Variants in DOC2B observed in about 807,000 individuals in gnomAD.
DOC2B encodes double C2-like domain-containing protein beta.
A neutral mutation model predicts 28.9 loss-of-function variants in DOC2B; 21 were observed. That is an observed-to-expected ratio of 0.73 (90% CI 0.52 to 1.05). The LOEUF (loss-of-function observed/expected upper bound fraction) is 1.05. Ranked by LOEUF, DOC2B falls within the 50% of genes least tolerant of loss-of-function variation. The pLI, the probability that DOC2B is intolerant of heterozygous loss-of-function variation, is 0.00. For missense variants in DOC2B, 384 were observed against 421.1 expected (o/e 0.91, Z 0.77); for synonymous variants, 194 against 178.1 (o/e 1.09, Z -0.71).
chr17:162,267 T>C (rs1240819431), intron 3 of DOC2B, 77 bp from the exon 4 acceptor site: 1 of 1,062,582 alleles, frequency 9.4e-7, no homozygotes, highest in East Asian at 2.6e-5. Flanking sequence ...GATGGCCACG[T>C]GCTCATCTTG....
chr17:152,623 C>G (rs1352556265), intron 6 of DOC2B, among the ~76,000 whole-genome samples: 1 of 152,038 alleles, frequency 6.6e-6, no homozygotes, highest in Non-Finnish European at 1.5e-5. Context: ...CAAAAAACAA[C>G]TAGCCAGGCG....
At chr17:165,561 CTG>C (rs1555523793) in intron 2 of DOC2B, among the ~76,000 whole-genome samples, 1 of 151,726 alleles carries the variant, frequency 6.6e-6, no homozygotes, top group Admixed American at 6.6e-5. Flanking sequence ...GGGAGGGAGA[CTG>C]TGTGGACACA....
Position 179,398 on chromosome 17 carries a change from C to CAAAAA in DOC2B, c.373+1704_373+1708dup, listed in dbSNP as rs770987974. Among the ~76,000 whole-genome samples, 10 of 139,032 alleles carry CAAAAA rather than the reference C, an allele frequency of 7.2e-5. 3 individuals carry two copies. Among genetic ancestry groups the CAAAAA allele is most frequent in the Non-Finnish European group, 1.2e-4 (8 of 64,568 alleles). The allele number at this position is 139,032 out of a possible 152,430, so 91.2% of individuals were successfully genotyped here. On this transcript the variant is annotated intron_variant, in intron 1 of 8. Transcript: ENST00000613549. The stretch of plus-strand genomic sequence containing the variant: ...CCTTGCTTTGTGGGTTCAGAGACAG[C>CAAAAA]AAAAAAAAGAAAAAGAAAAAGCCTC...
chr17:152,578 G>A (rs1254504148), intron 6 of DOC2B, among the ~76,000 whole-genome samples: 1 of 152,072 alleles, frequency 6.6e-6, no homozygotes, highest in African/African-American at 2.4e-5. Flanking sequence ...GACCAGCCTG[G>A]CCAATACGGC....
At chr17:156,160 A>T in intron 6 of DOC2B, 60 bp downstream of exon 6, 1 of 1,482,624 alleles carries the variant, frequency 6.7e-7, no homozygotes. Context: ...GAGCCGGCAC[A>T]CGGACCCCCG....
At chr17:158,649 G>A (rs2040163443) in intron 5 of DOC2B, among the ~76,000 whole-genome samples, 1 of 152,232 alleles carries the variant, frequency 6.6e-6, no homozygotes. Flanking sequence ...GGCCAGGCCT[G>A]CGAGATCTCG....
chr17:153,853 C>A (rs112366190), intron 6 of DOC2B, among the ~76,000 whole-genome samples: 2,452 of 152,072 alleles, frequency 0.016, 77 homozygotes, highest in African/African-American at 0.055. Flanking sequence ...GTTGTGTTTT[C>A]GACAGCTGTC....
In DOC2B at chr17:156,491, G is replaced by A. The variant is rs149792888; in HGVS notation, c.766-114C>T. ...GGCTGCTGCAGCCGGGCCTGGTCAC[G>A]GTCCCTGGTGAGTGGCCTCACTGTG... On this transcript the variant is annotated intron_variant, in intron 5 of 8. Transcript: ENST00000613549. 1.5e-3 allele frequency: 1,730 copies of A among 1,176,832 alleles called. 15 individuals carry two copies. The African/African-American group carries it at 0.024, about 16-fold the overall frequency. The allele number at this position is 1,176,832 out of a possible 1,614,324, so 72.9% of individuals were successfully genotyped here.
rs528033834 is a variant in DOC2B, at chr17:178,919, G to A, written c.373+2188C>T. Among the ~76,000 whole-genome samples, 55 of 152,336 alleles carry A rather than the reference G, an allele frequency of 3.6e-4. No individual in the cohort carries two copies. In the East Asian group the frequency reaches 0.01, roughly 28 times the overall value. The stretch of plus-strand genomic sequence containing the variant: ...TTGTCACAGCCCAGAGGGGGGCACC[G>A]CCTGGGGTACTGGGTGGAAGGCAGT... On this transcript the variant is annotated intron_variant, in intron 1 of 8. Coordinates refer to ENST00000613549, the MANE Select transcript of DOC2B (RefSeq NM_003585.5).
chr17:179,398 C>CAGAAAAAAA (rs2040408602), intron 1 of DOC2B, among the ~76,000 whole-genome samples: 1 of 139,036 alleles, frequency 7.2e-6, no homozygotes, highest in Admixed American at 7.2e-5. Flanking sequence ...TCAGAGACAG[C>CAGAAAAAAA]AAAAAAAAGA....
chr17:175,592 A>G (rs2040361031), intron 1 of DOC2B, among the ~76,000 whole-genome samples: 1 of 152,250 alleles, frequency 6.6e-6, no homozygotes, highest in Admixed American at 6.5e-5. Flanking sequence ...CACACCTGTG[A>G]GACCAACAAA....
chr17:180,619 C>T (rs1437562085), intron 1 of DOC2B, among the ~76,000 whole-genome samples: 1 of 152,040 alleles, frequency 6.6e-6, no homozygotes, highest in Non-Finnish European at 1.5e-5. Context: ...GAGGCCGGGC[C>T]GCTCCCAGCC....
intron 1 of DOC2B, among the ~76,000 whole-genome samples, chr17:180,751 C>T (rs1333214978): frequency 6.6e-6 from 1 of 151,756 alleles, no homozygotes; most frequent in Non-Finnish European, 1.5e-5. Flanking sequence ...GGACGCAGCT[C>T]CGCCCTTCCC....
At position 147,346 on chromosome 17, in the gene DOC2B, G is replaced by A. The variant is rs1019614494; in HGVS notation, c.*95C>T. On this transcript the variant is annotated 3_prime_UTR_variant, in exon 9 of 9. Transcript: ENST00000613549. ...AAGCAGGGGTTCTGGATCTCCCCCAGTGTGGGGGCCACAGGCCTTGGTGGC... is the reference window on the plus strand; with the variant it reads ...AAGCAGGGGTTCTGGATCTCCCCCAATGTGGGGGCCACAGGCCTTGGTGGC... The A allele has an allele frequency of 5.0e-6, 2 of 398,016 alleles. No homozygotes were observed. Among genetic ancestry groups the A allele is most frequent in the East Asian group, 7.1e-5 (2 of 28,054 alleles). 24.7% of individuals were successfully genotyped at this position (398,016 alleles called of 1,614,324 possible).
chr17:155,013 G>A (rs770470703), intron 6 of DOC2B, among the ~76,000 whole-genome samples: 20 of 152,126 alleles, frequency 1.3e-4, no homozygotes, highest in Non-Finnish European at 2.4e-4. Context: ...ACAAGCACGA[G>A]CCACTGCACT....
At chr17:156,421 C>G (rs1555522553) in intron 5 of DOC2B, 44 bp from the exon 6 acceptor site, 6 of 1,541,078 alleles carry the variant, frequency 3.9e-6, no homozygotes. Flanking sequence ...GCTCCCACCC[C>G]TCTCTTGGCC....
intron 1 of DOC2B, among the ~76,000 whole-genome samples, chr17:179,790 G>C (rs1342455577): frequency 6.6e-6 from 1 of 152,286 alleles, no homozygotes; most frequent in Admixed American, 6.5e-5. Flanking sequence ...CCCCAGGGCA[G>C]GGCCTTCATG....
At chr17:157,078 C>A (rs2040144232) in intron 5 of DOC2B, among the ~76,000 whole-genome samples, 1 of 152,238 alleles carries the variant, frequency 6.6e-6, no homozygotes, top group Non-Finnish European at 1.5e-5. Flanking sequence ...TTGCGAGGCA[C>A]ACAGAGCCTA....
chr17:148,363 TG>T lies in DOC2B; in HGVS notation c.1006-95del, dbSNP rs1176271104. 7 of 397,726 alleles carry T rather than the reference TG, an allele frequency of 1.8e-5. No individual in the cohort carries two copies. In the Admixed American group the frequency reaches 2.6e-4, roughly 15 times the overall value. The allele number at this position is 397,726 out of a possible 1,614,324, so 24.6% of individuals were successfully genotyped here. A position where few individuals can be genotyped will look rare whatever the true frequency, so the allele number is the denominator to read the frequency against. On this transcript the variant is annotated intron_variant, in intron 7 of 8. Transcript: ENST00000613549. ...ATGAGGTGTAGGGACAGAGGAGGGA[TG>T]GGGGTGATCAGTGCTCAGAGTGGAT... is the stretch of plus-strand genomic sequence containing the variant.
Sources: allele counts gnomAD v4.1 joint callset (sites outside exome capture counted in the v4.1 genomes callset), GRCh38; gene constraint gnomAD v4.1.1; transcripts MANE v1.5; gene names NCBI Gene and HGNC (gene_info 2026-07-23, HGNC 2026-07-21).